DPRX: variants seen among roughly 807,000 people sequenced by gnomAD.
DPRX encodes the protein divergent paired-related homeobox.
A neutral mutation model predicts 8.4 loss-of-function variants in DPRX; 11 were observed. The ratio of observed to expected loss-of-function variants is 1.31; its 90% CI spans 0.82 to 2.17. The LOEUF (loss-of-function observed/expected upper bound fraction) is 2.17. DPRX is among the 30% of genes most tolerant of loss of function. The pLI is 0.00. For missense variants in DPRX, 211 were observed against 236.7 expected (o/e 0.89, Z 0.71); for synonymous variants, 72 against 87.0 (o/e 0.83, Z 0.96).
the DPRX span, among the ~76,000 whole-genome samples, chr19:53,605,377 A>AT: frequency 2.8e-3 from 381 of 138,120 alleles, 1 homozygote; most frequent in Admixed American, 5.4e-3. Flanking sequence ...CACCCAGCTA[A>AT]TTTTTTTTTT....
chr19:53,618,971 C>G, the DPRX span, among the ~76,000 whole-genome samples: 1 of 152,020 alleles, frequency 6.6e-6, no homozygotes, highest in Non-Finnish European at 1.5e-5. Context: ...TGTGAGCCAC[C>G]GCGCCCAGCC....
the DPRX span, chr19:53,601,171 A>G: frequency 1.2e-5 from 5 of 434,408 alleles, no homozygotes; most frequent in Non-Finnish European, 2.3e-5. Flanking sequence ...CACACCCCAC[A>G]CTGTTAGCCT....
chr19:53,607,689 C>CAAA, the DPRX span, among the ~76,000 whole-genome samples: 2,832 of 129,086 alleles, frequency 0.022, 52 homozygotes, highest in Non-Finnish European at 0.034. Context: ...CCGTCTCTAC[C>CAAA]AAAAAAAAAA....
the DPRX span, among the ~76,000 whole-genome samples, chr19:53,603,716 C>A: frequency 6.6e-6 from 1 of 151,086 alleles, no homozygotes; most frequent in Non-Finnish European, 1.5e-5. Context: ...TGTAAGTTTT[C>A]TTTCTTTTTT....
chr19:53,603,863 G>C, the DPRX span, among the ~76,000 whole-genome samples: 2 of 149,846 alleles, frequency 1.3e-5, no homozygotes, highest in Non-Finnish European at 3.0e-5. Context: ...CTCCTGCCTC[G>C]GCCTCCTGAG....
chr19:53,615,439 C>T, the DPRX span, among the ~76,000 whole-genome samples: 1 of 151,978 alleles, frequency 6.6e-6, no homozygotes, highest in Non-Finnish European at 1.5e-5. Context: ...TGCCACCACG[C>T]CTGGCTAATT....
chr19:53,632,776 G>T (rs1420734487), intron 1 of DPRX, among the ~76,000 whole-genome samples: 2 of 152,124 alleles, frequency 1.3e-5, no homozygotes, highest in Admixed American at 1.3e-4. Flanking sequence ...GGCAAATGCA[G>T]GGAAGCCTGT....
the DPRX span, among the ~76,000 whole-genome samples, chr19:53,619,113 ATT>A: frequency 6.6e-6 from 1 of 152,034 alleles, no homozygotes; most frequent in African/African-American, 2.4e-5. Context: ...CACTAACTTA[ATT>A]TGGGTTCTCT....
the DPRX span, chr19:53,604,542 T>A: frequency 1.3e-5 from 2 of 152,564 alleles, no homozygotes; most frequent in African/African-American, 4.8e-5. Context: ...AGTTCCAATG[T>A]TCCACAGCAC....
chr19:53,604,098 T>C, the DPRX span, among the ~76,000 whole-genome samples: 1 of 152,060 alleles, frequency 6.6e-6, no homozygotes, highest in African/African-American at 2.4e-5. Flanking sequence ...CATTCCACGC[T>C]GCCCATGCCC....
the DPRX span, chr19:53,603,381 C>T: frequency 3.1e-5 from 14 of 456,390 alleles, no homozygotes; most frequent in Middle Eastern, 1.6e-3. Context: ...ATAGACGATG[C>T]GGCCCCATCT....
the DPRX span, among the ~76,000 whole-genome samples, chr19:53,618,782 A>C: frequency 6.6e-6 from 1 of 151,250 alleles, no homozygotes; most frequent in East Asian, 1.9e-4. Flanking sequence ...TCCCAGGTTC[A>C]AGCAATTCTC....
chr19:53,622,208 A>G, the DPRX span, among the ~76,000 whole-genome samples: 3 of 152,224 alleles, frequency 2.0e-5, no homozygotes, highest in African/African-American at 7.2e-5. Flanking sequence ...GAAAACAACC[A>G]GAGATTCTTA....
At chr19:53,622,547 C>T in the DPRX span, among the ~76,000 whole-genome samples, 3 of 152,104 alleles carry the variant, frequency 2.0e-5, no homozygotes, top group Admixed American at 2.0e-4. Flanking sequence ...TGTGCAACTT[C>T]CTGCTGGGCA....
At chr19:53,607,217 C>T in the DPRX span, among the ~76,000 whole-genome samples, 10 of 152,160 alleles carry the variant, frequency 6.6e-5, no homozygotes, top group African/African-American at 1.9e-4. Context: ...TCCCCCTATT[C>T]CCACAATAGT....
chr19:53,619,321 A>C, the DPRX span, among the ~76,000 whole-genome samples: 58 of 152,056 alleles, frequency 3.8e-4, no homozygotes, highest in African/African-American at 1.4e-3. Context: ...CGAGCAGATC[A>C]CAAGGTCGGG....
chr19:53,636,700 C>T, exon 3 of DPRX: 1 of 1,614,106 alleles, frequency 6.2e-7, no homozygotes, highest in Non-Finnish European at 8.5e-7. Flanking sequence ...GTGGGGTCTC[C>T]ACCAGTGTCG....
chr19:53,625,835 A>G, the DPRX span, among the ~76,000 whole-genome samples: 3 of 151,732 alleles, frequency 2.0e-5, no homozygotes. Context: ...ACGGGGTTTC[A>G]CCATGTTGGC....
the DPRX span, among the ~76,000 whole-genome samples, chr19:53,619,675 C>CAAA: frequency 1.2e-5 from 1 of 83,984 alleles, no homozygotes; most frequent in African/African-American, 4.5e-5. Context: ...AACTTCATCT[C>CAAA]AAAAAAAAAA....
Sources: allele counts gnomAD v4.1 joint callset (sites outside exome capture counted in the v4.1 genomes callset), GRCh38; gene constraint gnomAD v4.1.1; transcripts MANE v1.5; gene names NCBI Gene and HGNC (gene_info 2026-07-23, HGNC 2026-07-21).